Variants in PAWR observed in about 807,000 individuals in gnomAD.
The protein encoded by PAWR is PRKC apoptosis WT1 regulator protein.
PAWR carries 23 observed loss-of-function variants against 32.0 expected under a neutral mutation model. The observed-to-expected ratio is 0.72, with a 90% CI of 0.52 to 1.02. The LOEUF (loss-of-function observed/expected upper bound fraction) is 1.02. Among genes scored for constraint, PAWR ranks in the 50% least tolerant of loss-of-function variants. The pLI is 0.00. For synonymous variants in PAWR, 226 were observed against 187.1 expected (o/e 1.21, Z -1.70); for missense variants, 457 against 437.7 (o/e 1.04, Z -0.39).
chr12:79,677,249 T>C (rs1878215951), intron 2 of PAWR, among the ~76,000 whole-genome samples: 1 of 152,212 alleles, frequency 6.6e-6, no homozygotes. Context: ...GTAAAGATAG[T>C]GATAACAAAA....
At chr12:79,622,863 G>A (rs1308459034) in intron 2 of PAWR, among the ~76,000 whole-genome samples, 2 of 152,094 alleles carry the variant, frequency 1.3e-5, no homozygotes, top group East Asian at 1.9e-4. Context: ...ACAAGCTAAC[G>A]TGTTAGCCAG....
At chr12:79,683,621 T>TA (rs1565706528) in intron 2 of PAWR, among the ~76,000 whole-genome samples, 2 of 151,540 alleles carry the variant, frequency 1.3e-5, no homozygotes, top group African/African-American at 2.4e-5. Flanking sequence ...TTTTTTTTTT[T>TA]AACTCTGAAT....
intron 2 of PAWR, among the ~76,000 whole-genome samples, chr12:79,621,777 A>T (rs1200783219): frequency 6.6e-6 from 1 of 152,188 alleles, no homozygotes; most frequent in African/African-American, 2.4e-5. Flanking sequence ...AGAATTACAC[A>T]TGTAACAGCA....
In PAWR at chr12:79,689,986, C is replaced by T. The variant is rs1015585588; in HGVS notation, c.259G>A (p.Gly87Arg). Residue 87 changes from glycine (G) to arginine (R), a missense_variant, in exon 2 of 7, where the codon GGG (glycine) becomes AGG (arginine). Transcript: ENST00000328827. ...APAAPAVPGP[G>R]GVNCAVGSAM... ...GAGCCGACCGCGCAGTTCACGCCCC[C>T]GGGACCGGGGACGGCAGGTGCGGCC... 2.3e-6 allele frequency: 3 copies of T among 1,320,190 alleles called. No individual in the cohort carries two copies. Among genetic ancestry groups the T allele is most frequent in the Non-Finnish European group, 2.9e-6 (3 of 1,041,268 alleles). The allele number at this position is 1,320,190 out of a possible 1,614,324, so 81.8% of individuals were successfully genotyped here.
At chr12:79,630,223 C>T (rs1243876054) in intron 2 of PAWR, among the ~76,000 whole-genome samples, 1 of 151,690 alleles carries the variant, frequency 6.6e-6, no homozygotes. Flanking sequence ...GACAGAAAAT[C>T]ACTATTATAA....
rs1024219433 is a variant in PAWR, at chr12:79,587,478, T to C, written c.*5129A>G. 1.3e-5 allele frequency: 2 copies of C among 152,086 alleles called. No individual in the cohort carries two copies. Among genetic ancestry groups the C allele is most frequent in the Non-Finnish European group, 2.9e-5 (2 of 67,904 alleles). The allele number at this position is 152,086 out of a possible 1,614,324, so 9.4% of individuals were successfully genotyped here. On this transcript the variant is annotated 3_prime_UTR_variant, in exon 7 of 7. Transcript: ENST00000328827. The stretch of plus-strand genomic sequence containing the variant: ...CATCAGATTTAGTTTATAAGAGTTC[T>C]GATTTTGAATCAAGAAATTATTCAT...
chr12:79,684,252 T>C (rs1274327983), intron 2 of PAWR, among the ~76,000 whole-genome samples: 1 of 152,118 alleles, frequency 6.6e-6, no homozygotes, highest in East Asian at 1.9e-4. Flanking sequence ...AACCTTGCTA[T>C]TAAATGGCAT....
intron 2 of PAWR, among the ~76,000 whole-genome samples, chr12:79,665,412 T>C (rs2136834428): frequency 6.6e-6 from 1 of 152,326 alleles, no homozygotes; most frequent in South Asian, 2.1e-4. Flanking sequence ...CTAACCCACA[T>C]TAAATGACTA....
intron 2 of PAWR, chr12:79,668,499 T>C (rs1877721888): frequency 6.6e-6 from 1 of 152,224 alleles, no homozygotes; most frequent in Non-Finnish European, 1.5e-5. Flanking sequence ...ACTGGTTTCA[T>C]GGGACACAAT....
chr12:79,684,855 A>G (rs1318144891), intron 2 of PAWR, among the ~76,000 whole-genome samples: 1 of 152,222 alleles, frequency 6.6e-6, no homozygotes, highest in African/African-American at 2.4e-5. Context: ...CTAGGTATAC[A>G]GTATGTAATA....
Position 79,589,760 on chromosome 12 carries a change from C to G in PAWR, c.*2847G>C, listed in dbSNP as rs549195921. ...GTTCATTTTAAAGATGACAAACTTA[C>G]TATTTTGAAAATGAGCTCATAAATA... On this transcript the variant is annotated 3_prime_UTR_variant, in exon 7 of 7. Transcript: ENST00000328827. The G allele has an allele frequency of 3.3e-5, 5 of 152,138 alleles. No individual in the cohort carries two copies. The highest frequency in any genetic ancestry group is 7.4e-5 in the Non-Finnish European group (5 of 68,012). 9.4% of individuals were successfully genotyped at this position (152,138 alleles called of 1,614,324 possible).
intron 2 of PAWR, among the ~76,000 whole-genome samples, chr12:79,651,709 C>CT (rs1491467392): frequency 3.9e-5 from 1 of 25,528 alleles, no homozygotes; most frequent in Non-Finnish European, 4.6e-4. Context: ...ATGGCGGGGG[C>CT]TGGGGGGGTG....
chr12:79,623,090 A>G (rs1252001766), intron 2 of PAWR, among the ~76,000 whole-genome samples: 2 of 152,200 alleles, frequency 1.3e-5, no homozygotes, highest in Admixed American at 1.3e-4. Flanking sequence ...GAACAGGAAC[A>G]AGACCAAAAG....
At chr12:79,604,344 C>T (rs1874083434) in intron 4 of PAWR, 3 of 1,005,032 alleles carry the variant, frequency 3.0e-6, no homozygotes, top group Non-Finnish European at 3.6e-6. Flanking sequence ...GGAAGTTTTC[C>T]CCCTCTGGGA....
chr12:79,679,668 G>A (rs893860414), intron 2 of PAWR, among the ~76,000 whole-genome samples: 16 of 152,160 alleles, frequency 1.1e-4, no homozygotes, highest in African/African-American at 3.9e-4. Flanking sequence ...GGAGCAGTGG[G>A]GGATATGCTA....
At chr12:79,676,261 G>A (rs776960688) in intron 2 of PAWR, among the ~76,000 whole-genome samples, 1 of 151,974 alleles carries the variant, frequency 6.6e-6, no homozygotes, top group Non-Finnish European at 1.5e-5. Context: ...CATTAATATG[G>A]CCTGCTTATT....
intron 3 of PAWR, among the ~76,000 whole-genome samples, chr12:79,617,707 G>A (rs540470384): frequency 6.6e-6 from 1 of 152,130 alleles, no homozygotes; most frequent in African/African-American, 2.4e-5. Flanking sequence ...GATCAAATTA[G>A]AGTAATTAGC....
intron 2 of PAWR, among the ~76,000 whole-genome samples, chr12:79,659,220 G>C (rs1877236215): frequency 6.6e-6 from 1 of 151,958 alleles, no homozygotes; most frequent in Non-Finnish European, 1.5e-5. Context: ...CTTGATCCCG[G>C]GAGGTGGAGG....
Position 79,638,896 on chromosome 12 carries a change from A to ATTTTT in PAWR, c.517-17694_517-17690dup, listed in dbSNP as rs60375837. Among the ~76,000 whole-genome samples the ATTTTT allele has an allele frequency of 5.0e-4, 5 of 10,012 alleles. 1 individual carries two copies. The highest frequency in any genetic ancestry group is 7.2e-4 in the African/African-American group (2 of 2,786). 6.6% of individuals were successfully genotyped at this position (10,012 alleles called of 152,430 possible). A position where few individuals can be genotyped will look rare whatever the true frequency, so the allele number is the denominator to read the frequency against. ...TATATATATATATATATATATATAT[A>ATTTTT]TTTTTTTTTTTTTTTTTTTTTTTTT... is the stretch of plus-strand genomic sequence containing the variant. On this transcript the variant is annotated intron_variant, in intron 2 of 6. Transcript: ENST00000328827.
Sources: allele counts gnomAD v4.1 joint callset (sites outside exome capture counted in the v4.1 genomes callset), GRCh38; gene constraint gnomAD v4.1.1; transcripts MANE v1.5; gene names NCBI Gene and HGNC (gene_info 2026-07-23, HGNC 2026-07-21).